Variants in NXPE2 observed in about 807,000 individuals in gnomAD.
The protein encoded by NXPE2 is neurexophilin and PC-esterase domain family member 2, also known as NXPE family member 2.
In NXPE2, 34 loss-of-function variants were observed where a neutral mutation model predicts 34.4. That is an observed-to-expected ratio of 0.99 (90% confidence interval 0.75 to 1.31). NXPE2 has a LOEUF of 1.31. NXPE2 is among the 40% of genes most tolerant of loss of function. The pLI is 0.00. For missense variants in NXPE2, 649 were observed against 672.5 expected, an observed-to-expected ratio of 0.97 and a Z score of 0.39; for synonymous variants, 235 against 231.3, an observed-to-expected ratio of 1.02 and a Z score of -0.15.
At chr11:114,639,516 C>G in the NXPE2 span, among the ~76,000 whole-genome samples, 1 of 151,384 alleles carries the variant, frequency 6.6e-6, no homozygotes, top group African/African-American at 2.4e-5. Context: ...TGAGATGAAC[C>G]TGGTACCTCA....
the NXPE2 span, among the ~76,000 whole-genome samples, chr11:114,778,104 G>A: frequency 6.6e-6 from 1 of 152,198 alleles, no homozygotes; most frequent in Non-Finnish European, 1.5e-5. Flanking sequence ...TTAGATGGAG[G>A]CAGGGGAAAT....
chr11:114,764,819 T>A, the NXPE2 span, among the ~76,000 whole-genome samples: 1 of 152,210 alleles, frequency 6.6e-6, no homozygotes, highest in Non-Finnish European at 1.5e-5. Context: ...TCACTCATGC[T>A]ACGTGGCCAT....
chr11:114,525,771 T>A, the NXPE2 span, among the ~76,000 whole-genome samples: 2 of 152,176 alleles, frequency 1.3e-5, no homozygotes, highest in Non-Finnish European at 2.9e-5. Flanking sequence ...CACCATTTAG[T>A]GAAGTGTATA....
the NXPE2 span, among the ~76,000 whole-genome samples, chr11:114,633,552 T>C: frequency 6.6e-6 from 1 of 151,620 alleles, no homozygotes; most frequent in East Asian, 1.9e-4. Flanking sequence ...CATGCTTGTG[T>C]GCTGCACCCA....
chr11:114,757,354 G>T, the NXPE2 span, among the ~76,000 whole-genome samples: 3 of 149,988 alleles, frequency 2.0e-5, no homozygotes, highest in Non-Finnish European at 4.4e-5. Context: ...CAAGACATTC[G>T]TTACCCTAGT....
the NXPE2 span, among the ~76,000 whole-genome samples, chr11:114,610,303 G>C: frequency 6.6e-6 from 1 of 151,524 alleles, no homozygotes. Flanking sequence ...GTTGCCTAGT[G>C]TGTAACCACT....
the NXPE2 span, among the ~76,000 whole-genome samples, chr11:114,557,974 A>G: frequency 6.6e-6 from 1 of 151,720 alleles, no homozygotes; most frequent in East Asian, 1.9e-4. Flanking sequence ...TTTTCCTTCT[A>G]TTTCCCTAAC....
chr11:114,779,028 C>T, the NXPE2 span, among the ~76,000 whole-genome samples: 1 of 152,172 alleles, frequency 6.6e-6, no homozygotes, highest in Non-Finnish European at 1.5e-5. Flanking sequence ...CTGTCAGTTC[C>T]TTTCCCCCTC....
the NXPE2 span, among the ~76,000 whole-genome samples, chr11:114,466,687 G>A: frequency 6.6e-6 from 1 of 151,982 alleles, no homozygotes. Flanking sequence ...ATATATTTAG[G>A]GTGGTATCAT....
chr11:114,537,281 C>G, the NXPE2 span, among the ~76,000 whole-genome samples: 1 of 152,150 alleles, frequency 6.6e-6, no homozygotes, highest in Non-Finnish European at 1.5e-5. Context: ...GGACATATCT[C>G]AAAATAATAA....
the NXPE2 span, chr11:114,551,255 C>T: frequency 2.2e-6 from 3 of 1,341,762 alleles, no homozygotes; most frequent in Non-Finnish European, 3.1e-6. Flanking sequence ...AAGTGAATCT[C>T]TCTGTACTCA....
At chr11:114,714,102 T>C in the NXPE2 span, among the ~76,000 whole-genome samples, 1 of 152,254 alleles carries the variant, frequency 6.6e-6, no homozygotes, top group Non-Finnish European at 1.5e-5. Flanking sequence ...TCATTTGATA[T>C]AGGAATTTTG....
the NXPE2 span, among the ~76,000 whole-genome samples, chr11:114,599,064 C>A: frequency 3.6e-4 from 55 of 152,086 alleles, 1 homozygote; most frequent in East Asian, 6.6e-3. Flanking sequence ...AGTTTTACAT[C>A]TTTTTTTTGC....
At chr11:114,582,525 C>A in the NXPE2 span, 2 of 1,614,112 alleles carry the variant, frequency 1.2e-6, no homozygotes, top group Non-Finnish European at 1.7e-6. Flanking sequence ...CCTGTCATAG[C>A]CTTGGTTCCT....
chr11:114,482,542 A>C, the NXPE2 span, among the ~76,000 whole-genome samples: 1 of 152,144 alleles, frequency 6.6e-6, no homozygotes, highest in Non-Finnish European at 1.5e-5. Flanking sequence ...CAACATTTAC[A>C]TATCCTCTTT....
intron 2 of NXPE2, among the ~76,000 whole-genome samples, chr11:114,686,172 G>A (rs1951042860): frequency 6.6e-6 from 1 of 151,634 alleles, no homozygotes; most frequent in South Asian, 2.1e-4. Context: ...TTCTTATATG[G>A]GTATATTGCA....
At chr11:114,626,461 C>T in the NXPE2 span, among the ~76,000 whole-genome samples, 11 of 152,174 alleles carry the variant, frequency 7.2e-5, no homozygotes, top group South Asian at 2.1e-4. Flanking sequence ...CTGCAGCTGA[C>T]GGTCCTGTCT....
the NXPE2 span, among the ~76,000 whole-genome samples, chr11:114,809,080 C>G: frequency 1.3e-5 from 2 of 152,058 alleles, no homozygotes; most frequent in Non-Finnish European, 2.9e-5. Flanking sequence ...TAAACAGAAC[C>G]AAAGACAAAA....
chr11:114,759,048 GCA>G, the NXPE2 span, among the ~76,000 whole-genome samples: 1 of 151,788 alleles, frequency 6.6e-6, no homozygotes, highest in Non-Finnish European at 1.5e-5. Flanking sequence ...ACACTCCACA[GCA>G]CACACACACG....
Sources: allele counts gnomAD v4.1 joint callset (sites outside exome capture counted in the v4.1 genomes callset), GRCh38; gene constraint gnomAD v4.1.1; transcripts MANE v1.5; gene names NCBI Gene and HGNC (gene_info 2026-07-23, HGNC 2026-07-21).